CLSTN2: variants seen among roughly 807,000 people sequenced by gnomAD.
CLSTN2 encodes the protein calsyntenin 2.
In CLSTN2, 48 loss-of-function variants were observed where a neutral mutation model predicts 101.2. The ratio of observed to expected loss-of-function variants is 0.47; its 90% confidence interval spans 0.38 to 0.60. The LOEUF (loss-of-function observed/expected upper bound fraction) is 0.60. Among genes scored for constraint, CLSTN2 ranks in the 20% least tolerant of loss-of-function variants. The probability of loss-of-function intolerance (pLI) is 0.00; values close to 1 mark genes in which losing one functional copy is unlikely to be tolerated. For missense variants in CLSTN2, 1,160 were observed against 1,238.2 expected, an observed-to-expected ratio of 0.94 and a Z score of 0.95; for synonymous variants, 481 against 463.6, an observed-to-expected ratio of 1.04 and a Z score of -0.48.
At chr3:140,091,112 G>A (rs775695888) in intron 1 of CLSTN2, among the ~76,000 whole-genome samples, 85 of 152,202 alleles carry the variant, frequency 5.6e-4, no homozygotes, top group Non-Finnish European at 6.2e-4. Context: ...TATTTTAAAC[G>A]TGGGATAATG....
At chr3:139,960,514 T>C (rs1576377173) in intron 1 of CLSTN2, among the ~76,000 whole-genome samples, 1 of 152,228 alleles carries the variant, frequency 6.6e-6, no homozygotes, top group African/African-American at 2.4e-5. Flanking sequence ...CTGGAGGACA[T>C]GAGCCATGCT....
chr3:140,292,234 C>A (rs746641987), intron 2 of CLSTN2, among the ~76,000 whole-genome samples: 4 of 152,214 alleles, frequency 2.6e-5, no homozygotes, highest in Non-Finnish European at 5.9e-5. Flanking sequence ...AGGCTGGATC[C>A]TTGCATGTGC....
chr3:140,501,666 T>C (rs1181963039), intron 8 of CLSTN2, among the ~76,000 whole-genome samples: 1 of 152,244 alleles, frequency 6.6e-6, no homozygotes, highest in Non-Finnish European at 1.5e-5. Flanking sequence ...TCCCACAGTG[T>C]CTAGTTCCAT....
At chr3:140,526,647 A>AC (rs1316061680) in intron 8 of CLSTN2, among the ~76,000 whole-genome samples, 1 of 151,992 alleles carries the variant, frequency 6.6e-6, no homozygotes, top group Non-Finnish European at 1.5e-5. Context: ...CAACAACAAA[A>AC]AAAAAACTGG....
At chr3:140,340,175 C>G (rs1260617775) in intron 2 of CLSTN2, among the ~76,000 whole-genome samples, 1 of 152,228 alleles carries the variant, frequency 6.6e-6, no homozygotes, top group Non-Finnish European at 1.5e-5. Context: ...CTAGTCCTTT[C>G]CTAGCAGATG....
At chr3:140,418,592 A>G (rs148681968) in intron 4 of CLSTN2, among the ~76,000 whole-genome samples, 162 of 144,096 alleles carry the variant, frequency 1.1e-3, no homozygotes, top group African/African-American at 4.1e-3. Flanking sequence ...ATCTCGGCTC[A>G]CTGCAACCTC....
Position 140,421,190 on chromosome 3 carries a change from G to C in CLSTN2, c.703G>C (p.Ala235Pro). 2 of 1,614,132 alleles carry C rather than the reference G, an allele frequency of 1.2e-6. No individual in the cohort carries two copies. The highest frequency in any genetic ancestry group is 1.7e-6 in the Non-Finnish European group (2 of 1,179,998). The change falls in exon 5 of 17, where the codon GCC becomes CCC. Residue 235 changes from alanine to proline, a missense_variant. Ala to Pro is a conservative substitution (Grantham distance 27). Coordinates refer to ENST00000458420, the MANE Select transcript of CLSTN2 (RefSeq NM_022131.3). ...KQHQYEILVTAYDCGQKPAAQ... is the reference protein window; with the variant it reads ...KQHQYEILVTPYDCGQKPAAQ... ...ACACCAGTATGAGATCCTGGTGACC[G>C]CCTACGACTGTGGACAGAAGCCCGC...
chr3:140,186,843 G>T (rs543040292), intron 2 of CLSTN2, among the ~76,000 whole-genome samples: 44 of 152,130 alleles, frequency 2.9e-4, no homozygotes, highest in African/African-American at 1.0e-3. Context: ...TTAATGGAAA[G>T]GTGAATCCCA....
chr3:140,443,142 T>G (rs1179957480), intron 5 of CLSTN2, among the ~76,000 whole-genome samples: 6 of 152,206 alleles, frequency 3.9e-5, no homozygotes, highest in African/African-American at 1.4e-4. Flanking sequence ...TTTGTGTAAA[T>G]CCAGCAATTT....
chr3:140,036,577 A>G (rs1161090373), intron 1 of CLSTN2, among the ~76,000 whole-genome samples: 2 of 152,194 alleles, frequency 1.3e-5, no homozygotes, highest in African/African-American at 2.4e-5. Flanking sequence ...CAGGAAATCT[A>G]GAAACATTTG....
intron 8 of CLSTN2, among the ~76,000 whole-genome samples, chr3:140,492,146 TAA>T (rs5852984): frequency 1.3e-5 from 2 of 151,650 alleles, no homozygotes; most frequent in Admixed American, 6.6e-5. Context: ...CATAATGGCT[TAA>T]AAAAAAATAA....
chr3:140,160,775 T>G (rs1365508730), intron 1 of CLSTN2, among the ~76,000 whole-genome samples: 1 of 152,182 alleles, frequency 6.6e-6, no homozygotes, highest in Non-Finnish European at 1.5e-5. Flanking sequence ...ATGCTGGGTC[T>G]TTTATGTCTA....
chr3:139,989,901 T>G (rs1223068270), intron 1 of CLSTN2, among the ~76,000 whole-genome samples: 1 of 152,228 alleles, frequency 6.6e-6, no homozygotes, highest in African/African-American at 2.4e-5. Flanking sequence ...ATGTGAAAGT[T>G]TTAATTGTCA....
At chr3:140,017,613 C>T (rs961361847) in intron 1 of CLSTN2, among the ~76,000 whole-genome samples, 5 of 152,198 alleles carry the variant, frequency 3.3e-5, no homozygotes, top group African/African-American at 1.2e-4. Context: ...CAACTAGGCT[C>T]AAGGCACTGT....
At chr3:140,520,144 G>T (rs1037408300) in intron 8 of CLSTN2, among the ~76,000 whole-genome samples, 3 of 152,136 alleles carry the variant, frequency 2.0e-5, no homozygotes, top group Admixed American at 2.0e-4. Context: ...GTATCTTCTG[G>T]CTTGTAGGGT....
intron 2 of CLSTN2, among the ~76,000 whole-genome samples, chr3:140,279,968 G>A (rs933645625): frequency 2.0e-5 from 3 of 152,222 alleles, no homozygotes; most frequent in African/African-American, 4.8e-5. Context: ...TTGGTGGCTC[G>A]CTCCACTCTC....
At chr3:140,509,116 G>A (rs773119627) in intron 8 of CLSTN2, among the ~76,000 whole-genome samples, 3 of 152,128 alleles carry the variant, frequency 2.0e-5, no homozygotes, top group Non-Finnish European at 4.4e-5. Context: ...CCCAATGCTT[G>A]GGAAGTACCT....
chr3:140,546,776 G>C (rs950368572), intron 10 of CLSTN2, 95 bp downstream of exon 10: 1 of 1,207,368 alleles, frequency 8.3e-7, no homozygotes, highest in Non-Finnish European at 1.1e-6. Context: ...GAGCTTCCTG[G>C]AACGTTACAC....
chr3:139,936,390 G>A (rs564091649), intron 1 of CLSTN2, among the ~76,000 whole-genome samples: 1 of 152,292 alleles, frequency 6.6e-6, no homozygotes, highest in South Asian at 2.1e-4. Context: ...GGGAGGCTGT[G>A]GCAGATCCTA....
Sources: gnomAD v4.1 joint callset for allele counts (sites outside exome capture counted in the v4.1 genomes callset) on GRCh38, gnomAD v4.1.1 for gene constraint, MANE v1.5 for transcripts, NCBI Gene and HGNC (gene_info 2026-07-23, HGNC 2026-07-21) for gene names.